OSBP: variants seen among roughly 807,000 people sequenced by gnomAD.
OSBP encodes the protein oxysterol-binding protein 1.
In OSBP, 32 loss-of-function variants were observed where a neutral mutation model predicts 96.6. The ratio of observed to expected loss-of-function variants is 0.33; its 90% CI spans 0.25 to 0.45. The LOEUF is 0.45. Ranked by LOEUF, OSBP falls within the 20% of genes least tolerant of loss-of-function variation. The pLI is 1.00. For missense variants in OSBP, 653 were observed against 1,029.7 expected (o/e 0.63, Z 5.01); for synonymous variants, 369 against 389.6 (o/e 0.95, Z 0.62).
intron 3 of OSBP, among the ~76,000 whole-genome samples, chr11:59,607,755 A>G (rs568471131): frequency 1.5e-4 from 23 of 152,290 alleles, no homozygotes; most frequent in African/African-American, 5.5e-4. Context: ...CGGTAATGCC[A>G]TGGGTGCTCT....
rs149664643 is a variant in OSBP at position 59,601,812 on chromosome 11, G to C, written c.849C>G (p.Ala283=). 4.2e-5 allele frequency: 67 copies of C among 1,614,126 alleles called. 1 individual carries two copies. The African/African-American group carries it at 6.1e-4, about 15-fold the overall frequency. The change falls in exon 4 of 14, where the codon GCC becomes GCG. Residue 283 remains alanine, a synonymous_variant. Transcript: ENST00000263847. ...TTTGCCATTTTTTACTATGGGTCTG[G>C]GCTAACATGAGGAAATCTCTGCAGG... ...INACRDFLML[A]QTHSKKWQKS...
chr11:59,615,623 C>G lies in OSBP; in HGVS notation c.42G>C (p.Pro14=). ...CGCCGCCAAGTGCTGCAATGGCTGC[C>G]GGGCCTGGCCCCACCACTCCTCTCA... The part of the protein sequence containing the change: ...TELRGVVGPG[P]AAIAALGGGG... The change falls in exon 1 of 14, where the codon CCG becomes CCC. Residue 14 remains proline, a synonymous_variant. Transcript: ENST00000263847. 1.5e-6 allele frequency: 2 copies of G among 1,378,200 alleles called. No individual in the cohort carries two copies. Among genetic ancestry groups the G allele is most frequent in the Non-Finnish European group, 1.9e-6 (2 of 1,064,148 alleles). 85.4% of individuals were successfully genotyped at this position (1,378,200 alleles called of 1,614,324 possible). A position where few individuals can be genotyped will look rare whatever the true frequency, so the allele number is the denominator to read the frequency against.
chr11:59,577,604 T>A (rs1220315547), intron 12 of OSBP, among the ~76,000 whole-genome samples: 1 of 152,210 alleles, frequency 6.6e-6, no homozygotes, highest in African/African-American at 2.4e-5. Context: ...GTCATCCTCA[T>A]GCCTCAGCCT....
At position 59,600,881 on chromosome 11, in the gene OSBP, G is replaced by C; in HGVS notation, c.1125-8C>G. The C allele has an allele frequency of 6.2e-7, 1 of 1,612,262 alleles. No individual in the cohort carries two copies. On this transcript the variant is annotated splice_polypyrimidine_tract_variant and splice_region_variant and intron_variant, in intron 5 of 13. Transcript: ENST00000263847. ...ATATTGCTGCCAGTACGTCTGTACA[G>C]ATGGGAAACACAGGAGAATTAGAAC... is the stretch of plus-strand genomic sequence containing the variant.
chr11:59,588,222 T>C (rs1378420980), intron 9 of OSBP, among the ~76,000 whole-genome samples: 61 of 152,086 alleles, frequency 4.0e-4, no homozygotes, highest in Admixed American at 4.0e-3. Flanking sequence ...GTTCCAGGGT[T>C]TGGGGAGGGA....
intron 3 of OSBP, among the ~76,000 whole-genome samples, chr11:59,608,227 T>G (rs1246659533): frequency 6.6e-6 from 1 of 152,166 alleles, no homozygotes; most frequent in Non-Finnish European, 1.5e-5. Context: ...TGCAGAGCAG[T>G]CAGTGAAGGA....
rs758629614 is a variant in OSBP, at chr11:59,600,867, A to T, written c.1131T>A (p.Thr377=). The part of the protein sequence containing the change: ...TMPENLGHKR[T]GSNISGASSD... The stretch of plus-strand genomic sequence containing the variant: ...TGCTGGCTCCACTGATATTGCTGCC[A>T]GTACGTCTGTACAGATGGGAAACAC... The change falls in exon 6 of 14, where the codon ACT becomes ACA. Residue 377 remains threonine, a synonymous_variant. Transcript: ENST00000263847. The T allele has an allele frequency of 6.2e-7, 1 of 1,613,646 alleles. No individual in the cohort carries two copies. Among genetic ancestry groups the T allele is most frequent in the Non-Finnish European group, 8.5e-7 (1 of 1,179,584 alleles).
intron 2 of OSBP, among the ~76,000 whole-genome samples, 179 bp downstream of exon 2, chr11:59,610,202 G>A (rs1860827267): frequency 6.6e-6 from 1 of 152,128 alleles, no homozygotes; most frequent in African/African-American, 2.4e-5. Flanking sequence ...CCCTGGGGAG[G>A]AGAATCAACC....
chr11:59,586,677 T>C (rs1381974023), intron 9 of OSBP, among the ~76,000 whole-genome samples: 1 of 152,198 alleles, frequency 6.6e-6, no homozygotes, highest in Non-Finnish European at 1.5e-5. Flanking sequence ...TGTGTGGTAC[T>C]AGAATAAAGA....
intron 10 of OSBP, among the ~76,000 whole-genome samples, chr11:59,580,680 CT>C (rs139935935): frequency 4.0e-5 from 6 of 149,390 alleles, no homozygotes; most frequent in East Asian, 2.0e-4. Context: ...TCCCTCCTTT[CT>C]TTTTTTTTTA....
In OSBP at chr11:59,601,341, C is replaced by T. The variant is rs1216644970; in HGVS notation, c.1066G>A (p.Glu356Lys). Residue 356 changes from glutamate (E) to lysine (K), a missense_variant, in exon 5 of 14, where the codon GAG becomes AAG. Around this residue, in one of 6 missense-constraint regions of OSBP, gnomAD observed 308 missense variants for 573.1 expected, o/e 0.54. Transcript: ENST00000263847. Reference protein sequence around the residue: ...GKGDMSDEDDENEFFDAPEII... With the variant: ...GKGDMSDEDDKNEFFDAPEII... ...TCAGGTGCATCAAAAAATTCATTCT[C>T]ATCATCTTCATCGCTCATGTCCCCT... 1.2e-6 allele frequency: 2 copies of T among 1,613,664 alleles called. No homozygotes were observed. Among genetic ancestry groups the T allele is most frequent in the African/African-American group, 2.7e-5 (2 of 75,014 alleles).
chr11:59,608,369 G>T, intron 3 of OSBP, 115 bp downstream of exon 3: 1 of 1,263,410 alleles, frequency 7.9e-7, no homozygotes, highest in Non-Finnish European at 1.1e-6. Context: ...CTTGACCAGT[G>T]AAGCAGGCCC....
intron 11 of OSBP, among the ~76,000 whole-genome samples, chr11:59,578,549 C>G (rs1860385463): frequency 6.6e-6 from 1 of 152,166 alleles, no homozygotes; most frequent in African/African-American, 2.4e-5. Flanking sequence ...CTCTAGGGCT[C>G]AAGTGATGTC....
At chr11:59,614,149 T>C (rs1860889873) in intron 1 of OSBP, among the ~76,000 whole-genome samples, 1 of 152,246 alleles carries the variant, frequency 6.6e-6, no homozygotes, top group Non-Finnish European at 1.5e-5. Context: ...TTACTTGCTA[T>C]TGATAAGCAA....
In OSBP at chr11:59,576,223, A is replaced by G. The variant is rs752453161; in HGVS notation, c.*354T>C. ...CATAATCTTAGGCAGATCTTGGCTGAGCAGGATACTACAAGGGGAGGGTGA... is the reference window on the plus strand; with the variant it reads ...CATAATCTTAGGCAGATCTTGGCTGGGCAGGATACTACAAGGGGAGGGTGA... On this transcript the variant is annotated 3_prime_UTR_variant, in exon 14 of 14. Transcript: ENST00000263847. 1 of 197,256 alleles carries G rather than the reference A, an allele frequency of 5.1e-6. No homozygotes were observed. Among genetic ancestry groups the G allele is most frequent in the Non-Finnish European group, 1.0e-5 (1 of 97,692 alleles). The allele number at this position is 197,256 out of a possible 1,614,324, so 12.2% of individuals were successfully genotyped here.
chr11:59,598,316 C>T (rs1395142050), intron 7 of OSBP, among the ~76,000 whole-genome samples: 1 of 152,240 alleles, frequency 6.6e-6, no homozygotes, highest in African/African-American at 2.4e-5. Flanking sequence ...AGAAACCACA[C>T]ATTGGTCCAT....
chr11:59,605,026 G>A (rs900274117), intron 3 of OSBP, among the ~76,000 whole-genome samples: 5 of 151,756 alleles, frequency 3.3e-5, no homozygotes, highest in Non-Finnish European at 4.4e-5. Flanking sequence ...GGTAGTGTGC[G>A]CCTGTAGTCC....
chr11:59,593,836 A>G, intron 8 of OSBP, 112 bp from the exon 9 acceptor site: 1 of 1,458,052 alleles, frequency 6.9e-7, no homozygotes, highest in Non-Finnish European at 9.4e-7. Context: ...CACCCACAAC[A>G]GTAGGTGAAT....
At chr11:59,605,656 G>T (rs1046190601) in intron 3 of OSBP, among the ~76,000 whole-genome samples, 1 of 152,148 alleles carries the variant, frequency 6.6e-6, no homozygotes, top group Non-Finnish European at 1.5e-5. Context: ...AAAGTGCTGG[G>T]ATTACAGGTG....
Sources: allele counts gnomAD v4.1 joint callset (sites outside exome capture counted in the v4.1 genomes callset), GRCh38; gene constraint gnomAD v4.1.1; regional missense constraint gnomAD v4.1.1; transcripts MANE v1.5; gene names NCBI Gene and HGNC (gene_info 2026-07-23, HGNC 2026-07-21).